The following BCAT1 variants were observed in gnomAD, a reference collection of about 807,000 sequenced individuals.
BCAT1 encodes branched chain amino acid transaminase 1, also known as branched-chain-amino-acid aminotransferase, cytosolic.
A neutral mutation model predicts 52.4 loss-of-function variants in BCAT1; 48 were observed. The observed-to-expected ratio is 0.92, with a 90% confidence interval of 0.73 to 1.16. BCAT1 has a LOEUF of 1.16. BCAT1 is among the 50% of genes most tolerant of loss of function. The pLI, the probability that BCAT1 is intolerant of heterozygous loss-of-function variation, is 0.00. For missense variants in BCAT1, 451 were observed against 457.1 expected, an observed-to-expected ratio of 0.99 and a Z score of 0.12; for synonymous variants, 167 against 161.3, an observed-to-expected ratio of 1.04 and a Z score of -0.27.
At chr12:24,880,848 T>TC (rs1942472042) in intron 4 of BCAT1, among the ~76,000 whole-genome samples, 1 of 143,918 alleles carries the variant, frequency 6.9e-6, no homozygotes, top group African/African-American at 2.6e-5. Context: ...TTTTTTGTTT[T>TC]TTTTTTTTAC....
At chr12:24,886,864 G>T (rs1942676225) in intron 3 of BCAT1, among the ~76,000 whole-genome samples, 1 of 146,886 alleles carries the variant, frequency 6.8e-6, no homozygotes, top group Non-Finnish European at 1.5e-5. Flanking sequence ...CGGGCATAGT[G>T]GCTCACATGC....
At position 24,874,510 on chromosome 12, in the gene BCAT1, G is replaced by T. The variant is rs184701959; in HGVS notation, c.510+4020C>A. 3.7e-3 allele frequency among the ~76,000 whole-genome samples: 571 copies of T among 152,320 alleles called. 4 individuals carry two copies. The highest frequency in any genetic ancestry group is 8.0e-3 in the Admixed American group (123 of 15,306). ...GACTGTTATATCAGGGCCTATGGAA[G>T]TGAACTCAACACTGCCATTAGGATG... On this transcript the variant is annotated intron_variant, in intron 5 of 10. Coordinates refer to ENST00000261192, the MANE Select transcript of BCAT1 (RefSeq NM_005504.7).
At chr12:24,823,786 T>C (rs1305633419) in intron 10 of BCAT1, among the ~76,000 whole-genome samples, 4 of 152,196 alleles carry the variant, frequency 2.6e-5, no homozygotes, top group African/African-American at 4.8e-5. Context: ...TCCCCAGCCA[T>C]GTCTCCTGTA....
chr12:24,934,282 C>T (rs1230715731), intron 1 of BCAT1, among the ~76,000 whole-genome samples: 3 of 152,236 alleles, frequency 2.0e-5, no homozygotes, highest in Non-Finnish European at 4.4e-5. Context: ...TGCCTTGCTT[C>T]CTCTTCACCT....
At position 24,816,994 on chromosome 12, in the gene BCAT1, T is replaced by C. The variant is rs7306168; in HGVS notation, c.*1014A>G. The stretch of plus-strand genomic sequence containing the variant: ...TCCTCAATGGCCCACCACTCACCTC[T>C]TCCTGCTGTGTGGCCCATGGCCTGG... On this transcript the variant is annotated 3_prime_UTR_variant, in exon 11 of 11. Transcript: ENST00000261192. 35,283 of 167,146 alleles carry C rather than the reference T, an allele frequency of 0.21. 4,961 individuals are homozygous for C. Among genetic ancestry groups the C allele is most frequent in the East Asian group, 0.54 (3,203 of 5,972 alleles). The allele number at this position is 167,146 out of a possible 1,614,324, so 10.4% of individuals were successfully genotyped here. A position where few individuals can be genotyped will look rare whatever the true frequency, so the allele number is the denominator to read the frequency against.
At chr12:24,916,514 T>TA (rs1166777017) in intron 1 of BCAT1, among the ~76,000 whole-genome samples, 1 of 27,496 alleles carries the variant, frequency 3.6e-5, no homozygotes, top group Admixed American at 4.6e-4. Context: ...AAATAAGCTC[T>TA]TTTTTTGTTT....
chr12:24,841,747 A>C (rs1051029371), intron 7 of BCAT1, among the ~76,000 whole-genome samples: 6 of 152,062 alleles, frequency 3.9e-5, no homozygotes, highest in Admixed American at 3.9e-4. Flanking sequence ...TACTAAAAAA[A>C]AAAATACAAA....
chr12:24,925,981 G>C (rs919727430), intron 1 of BCAT1, among the ~76,000 whole-genome samples: 1 of 152,226 alleles, frequency 6.6e-6, no homozygotes, highest in Admixed American at 6.5e-5. Flanking sequence ...CTCCCAAAGT[G>C]CCGAGATTGC....
chr12:24,849,641 A>G (rs1292209935), intron 6 of BCAT1, 145 bp downstream of exon 6: 1 of 971,666 alleles, frequency 1.0e-6, no homozygotes, highest in African/African-American at 1.6e-5. Flanking sequence ...TGGCTTGCTG[A>G]AAGATTAAAC....
intron 10 of BCAT1, among the ~76,000 whole-genome samples, chr12:24,825,975 G>A (rs1012899565): frequency 2.0e-5 from 3 of 152,120 alleles, no homozygotes; most frequent in African/African-American, 7.2e-5. Context: ...ACTTTGGGAG[G>A]CTGAGACAGG....
chr12:24,933,378 C>T (rs1178887950), intron 1 of BCAT1, among the ~76,000 whole-genome samples: 2 of 152,068 alleles, frequency 1.3e-5, no homozygotes, highest in Non-Finnish European at 2.9e-5. Flanking sequence ...TGCTGGTGGT[C>T]ACTCAATAGC....
In BCAT1 at chr12:24,811,186, C is replaced by T. The variant is rs1939666586; in HGVS notation, c.*6822G>A. On this transcript the variant is annotated 3_prime_UTR_variant, in exon 11 of 11. Coordinates refer to ENST00000261192, the MANE Select transcript of BCAT1 (RefSeq NM_005504.7). Reference sequence around the variant, plus strand: ...AAAAGAAACATATTGAATCTCTATCCAGTGGTGTGGTTTCTGGTCTTTCTG... The same window carrying T: ...AAAAGAAACATATTGAATCTCTATCTAGTGGTGTGGTTTCTGGTCTTTCTG... The T allele has an allele frequency of 6.6e-6, 1 of 152,152 alleles. No homozygotes were observed. The highest frequency in any genetic ancestry group is 6.5e-5 in the Admixed American group (1 of 15,272). The allele number at this position is 152,152 out of a possible 1,614,324, so 9.4% of individuals were successfully genotyped here. A position where few individuals can be genotyped will look rare whatever the true frequency, so the allele number is the denominator to read the frequency against.
intron 6 of BCAT1, among the ~76,000 whole-genome samples, chr12:24,844,651 C>A (rs760520332): frequency 6.5e-4 from 99 of 151,782 alleles, no homozygotes; most frequent in Non-Finnish European, 1.0e-3. Context: ...GTAATCCCAG[C>A]ACTTTGGGAG....
intron 10 of BCAT1, among the ~76,000 whole-genome samples, chr12:24,823,618 T>G (rs1343997567): frequency 6.6e-6 from 1 of 152,178 alleles, no homozygotes; most frequent in East Asian, 1.9e-4. Context: ...AACCTCCCCC[T>G]TGCTGTTCTC....
chr12:24,861,722 G>T (rs74071958), intron 5 of BCAT1, among the ~76,000 whole-genome samples: 6,474 of 152,222 alleles, frequency 0.043, 439 homozygotes, highest in African/African-American at 0.15. Context: ...CTTGAATAGG[G>T]GATAGATAAA....
chr12:24,823,676 G>A (rs1479391185), intron 10 of BCAT1, among the ~76,000 whole-genome samples: 1 of 152,014 alleles, frequency 6.6e-6, no homozygotes, highest in Non-Finnish European at 1.5e-5. Flanking sequence ...TAAAAAGTGA[G>A]TGGCACCTCC....
At chr12:24,865,607 CTGTG>C (rs10541735) in intron 5 of BCAT1, among the ~76,000 whole-genome samples, 83,369 of 151,398 alleles carry the variant, frequency 0.55, 23,900 homozygotes, top group East Asian at 0.83. Flanking sequence ...ATTATATTGG[CTGTG>C]TGTGTGTATG....
chr12:24,866,243 C>T (rs535600415), intron 5 of BCAT1, among the ~76,000 whole-genome samples: 36 of 152,332 alleles, frequency 2.4e-4, no homozygotes, highest in African/African-American at 3.8e-4. Context: ...GAGGGTGCAC[C>T]GGGTCCCCCA....
intron 3 of BCAT1, among the ~76,000 whole-genome samples, chr12:24,892,098 CAATAGAGTCAGG>C (rs1942862851): frequency 7.6e-6 from 1 of 131,624 alleles, no homozygotes; most frequent in African/African-American, 2.8e-5. Context: ...TGTTTTGTTT[CAATAGAGTCAGG>C]GTCTCATCAT....
Sources: gnomAD v4.1 joint callset for allele counts (sites outside exome capture counted in the v4.1 genomes callset) on GRCh38, gnomAD v4.1.1 for gene constraint, MANE v1.5 for transcripts, NCBI Gene and HGNC (gene_info 2026-07-23, HGNC 2026-07-21) for gene names.